NAT10: variants seen among roughly 807,000 people sequenced by gnomAD.
NAT10 encodes the protein N-acetyltransferase 10.
NAT10 carries 109 observed loss-of-function variants against 132.2 expected under a neutral mutation model. The ratio of observed to expected loss-of-function variants is 0.82; its 90% confidence interval spans 0.71 to 0.97. The LOEUF is 0.97. NAT10 is among the 50% of genes least tolerant of loss of function. NAT10 has a pLI of 0.00. For synonymous variants in NAT10, 479 were observed against 478.0 expected, an observed-to-expected ratio of 1.00 and a Z score of -0.03; for missense variants, 1,184 against 1,263.4, an observed-to-expected ratio of 0.94 and a Z score of 0.95.
At chr11:34,136,121 T>C (rs1264800697) in intron 19 of NAT10, among the ~76,000 whole-genome samples, 3 of 151,156 alleles carry the variant, frequency 2.0e-5, no homozygotes, top group South Asian at 2.1e-4. Flanking sequence ...TTGCTCTGTC[T>C]CCCAGGCTGG....
At chr11:34,142,074 T>C (rs1852344684) in intron 26 of NAT10, 1 of 633,962 alleles carries the variant, frequency 1.6e-6, no homozygotes. Flanking sequence ...TGTTTTGTCT[T>C]TTTTGGTGAC....
chr11:34,132,969 T>G, intron 15 of NAT10, 57 bp from the exon 16 acceptor site: 1 of 1,428,988 alleles, frequency 7.0e-7, no homozygotes, highest in Non-Finnish European at 9.9e-7. Context: ...ATCGAACCTT[T>G]TGCGTAAAGG....
At chr11:34,129,528 G>C (rs1852063586) in intron 12 of NAT10, among the ~76,000 whole-genome samples, 3 of 150,066 alleles carry the variant, frequency 2.0e-5, no homozygotes, top group East Asian at 3.9e-4. Context: ...TTGATACCAG[G>C]TCCCTTTTCA....
chr11:34,116,085 C>T (rs1851778105), intron 6 of NAT10, among the ~76,000 whole-genome samples: 1 of 152,228 alleles, frequency 6.6e-6, no homozygotes, highest in Admixed American at 6.5e-5. Flanking sequence ...CAGGAAACCT[C>T]AATTTTGTCT....
At chr11:34,126,191 A>G (rs1314591750) in intron 11 of NAT10, among the ~76,000 whole-genome samples, 1 of 152,186 alleles carries the variant, frequency 6.6e-6, no homozygotes, top group African/African-American at 2.4e-5. Context: ...TGTCATTTAG[A>G]TTTTTGTTTT....
chr11:34,107,948 C>CGTATA (rs1251902143), intron 1 of NAT10, among the ~76,000 whole-genome samples: 2 of 152,208 alleles, frequency 1.3e-5, no homozygotes, highest in African/African-American at 4.8e-5. Context: ...TTTGAATATA[C>CGTATA]AAGTTTCTGG....
At chr11:34,122,352 C>G in intron 8 of NAT10, 107 bp from the exon 9 acceptor site, 1 of 1,431,922 alleles carries the variant, frequency 7.0e-7, no homozygotes, top group South Asian at 1.3e-5. Context: ...GAACTGCCGC[C>G]CTCTTATTTA....
chr11:34,141,112 G>A lies in NAT10; in HGVS notation c.2616G>A (p.Leu872=), dbSNP rs1317187502. Reference sequence around the variant, plus strand: ...AGGCTCTTCTCTTGGGGATTGGCCTGCAGCATAAGTCTGTGGACCAGCTGG... The same window carrying A: ...AGGCTCTTCTCTTGGGGATTGGCCTACAGCATAAGTCTGTGGACCAGCTGG... ...AQSALLLGIG[L]QHKSVDQLEK... The change falls in exon 25 of 29, where the codon CTG becomes CTA. Residue 872 remains leucine, a synonymous_variant. Coordinates refer to ENST00000257829, the MANE Select transcript of NAT10 (RefSeq NM_024662.3). 4 of 1,614,098 alleles carry A rather than the reference G, an allele frequency of 2.5e-6. 1 individual carries two copies. In the South Asian group the frequency reaches 4.4e-5, roughly 18 times the overall value.
In NAT10 at chr11:34,118,379, TCTC is replaced by T. The variant is rs545712595; in HGVS notation, c.673-13_673-11del. ...CTGTGACAGTGACAGACCTTCCCCT[TCTC>T]CTCTCTCTGGTAGGATGAGAGTCTT... is the stretch of plus-strand genomic sequence containing the variant. On this transcript the variant is annotated splice_polypyrimidine_tract_variant and intron_variant, in intron 7 of 28. Coordinates refer to ENST00000257829, the MANE Select transcript of NAT10 (RefSeq NM_024662.3). 47 of 1,612,846 alleles carry T rather than the reference TCTC, an allele frequency of 2.9e-5. No homozygotes were observed. Among genetic ancestry groups the T allele is most frequent in the South Asian group, 2.4e-4 (22 of 91,034 alleles).
chr11:34,144,775 A>C (rs139693707), intron 28 of NAT10, among the ~76,000 whole-genome samples: 1 of 152,248 alleles, frequency 6.6e-6, no homozygotes, highest in Non-Finnish European at 1.5e-5. Flanking sequence ...GAGCCACTGG[A>C]ATTGAGGCTT....
chr11:34,109,669 C>A (rs1016822438), intron 3 of NAT10, among the ~76,000 whole-genome samples: 1 of 152,190 alleles, frequency 6.6e-6, no homozygotes, highest in Non-Finnish European at 1.5e-5. Context: ...AACACAAATA[C>A]AATTTGGCAC....
Position 34,127,477 on chromosome 11 carries a change from A to G in NAT10, c.1122A>G (p.Ala374=), listed in dbSNP as rs757093505. The change falls in exon 12 of 29, where the codon GCA becomes GCG. Residue 374 remains alanine (A), a synonymous_variant. Coordinates refer to ENST00000257829, the MANE Select transcript of NAT10 (RefSeq NM_024662.3). ...CTTCCCCATAGTATATACATCCTGC[A>G]GATGCTGTGAAGCTGGGCCAGGCTG... ...HRQTIQYIHP[A]DAVKLGQAEL... 1.1e-5 allele frequency: 17 copies of G among 1,613,780 alleles called. No individual in the cohort carries two copies. Among genetic ancestry groups the G allele is most frequent in the South Asian group, 8.8e-5 (8 of 91,056 alleles).
At chr11:34,120,128 T>C (rs1046218058) in intron 8 of NAT10, among the ~76,000 whole-genome samples, 2 of 149,436 alleles carry the variant, frequency 1.3e-5, no homozygotes, top group Non-Finnish European at 3.0e-5. Context: ...TTTGTTGTTG[T>C]TGTTGTTGCT....
At chr11:34,136,186 A>G (rs1565117485) in intron 19 of NAT10, among the ~76,000 whole-genome samples, 1 of 151,618 alleles carries the variant, frequency 6.6e-6, no homozygotes, top group East Asian at 2.0e-4. Flanking sequence ...GGTTCAAGCA[A>G]TTTTCCTGCC....
At position 34,140,417 on chromosome 11, in the gene NAT10, C is replaced by T; in HGVS notation, c.2437C>T (p.Leu813=). The change falls in exon 24 of 29, where the codon CTG becomes TTG. Residue 813 remains leucine, a synonymous_variant. Coordinates refer to ENST00000257829, the MANE Select transcript of NAT10 (RefSeq NM_024662.3). ...ATGGACAGCCCTGAGCCGGGAGGAG[C>T]TGGAAGCACTCTTCCTCCCCTATGA... The part of the protein sequence containing the change: ...PAQPALSREE[L]EALFLPYDLK... The T allele has an allele frequency of 6.2e-7, 1 of 1,613,808 alleles. No homozygotes were observed. The highest frequency in any genetic ancestry group is 8.5e-7 in the Non-Finnish European group (1 of 1,179,716).
At chr11:34,106,910 TTCTAAGTAGCATGTCACTTTTACA>T (rs1261990762) in intron 1 of NAT10, 4 of 152,212 alleles carry the variant, frequency 2.6e-5, no homozygotes, top group African/African-American at 4.8e-5. Flanking sequence ...GTACCAGAGT[TTCTAAGTAGCATGTCACTTTTACA>T]TCTAAGTAGC....
At chr11:34,135,312 C>T in intron 19 of NAT10, 21 bp downstream of exon 19, 4 of 1,590,750 alleles carry the variant, frequency 2.5e-6, no homozygotes, top group Non-Finnish European at 2.6e-6. Flanking sequence ...TTCGACAGAC[C>T]TCCTGTGTCC....
At chr11:34,108,188 A>C in intron 1 of NAT10, 23 bp from the exon 2 acceptor site, 1 of 1,522,062 alleles carries the variant, frequency 6.6e-7, no homozygotes, top group African/African-American at 1.4e-5. Context: ...GCGCATGGCC[A>C]GTTGTATTTC....
In NAT10 at chr11:34,139,467, C is replaced by T; in HGVS notation, c.2391C>T (p.Asn797=). The T allele has an allele frequency of 6.2e-7, 1 of 1,614,056 alleles. No homozygotes were observed. Residue 797 remains asparagine (N), a synonymous_variant, in exon 23 of 29, where the codon AAC becomes AAT. Coordinates refer to ENST00000257829, the MANE Select transcript of NAT10 (RefSeq NM_024662.3). Reference sequence around the variant, plus strand: ...CCCTGGCTCTGAACATCATTCAGAACAGGAACATGGGGAAGCCAGCCCAGC... The same window carrying T: ...CCCTGGCTCTGAACATCATTCAGAATAGGAACATGGGGAAGCCAGCCCAGC... ...SPSLALNIIQ[N]RNMGKPAQPA...
Sources: allele counts gnomAD v4.1 joint callset (sites outside exome capture counted in the v4.1 genomes callset), GRCh38; gene constraint gnomAD v4.1.1; transcripts MANE v1.5; gene names NCBI Gene and HGNC (gene_info 2026-07-23, HGNC 2026-07-21).